Variants in CNTN1 observed in about 807,000 individuals in gnomAD.
The protein encoded by CNTN1 is contactin 1.
CNTN1 carries 38 observed loss-of-function variants against 126.4 expected under a neutral mutation model. The ratio of observed to expected loss-of-function variants is 0.30; its 90% CI spans 0.23 to 0.39. The LOEUF is 0.39. Among genes scored for constraint, CNTN1 ranks in the 10% least tolerant of loss-of-function variants. The pLI, the probability that CNTN1 is intolerant of heterozygous loss-of-function variation, is 1.00. For missense variants in CNTN1, 1,009 were observed against 1,248.4 expected (o/e 0.81, Z 2.89); for synonymous variants, 413 against 422.6 (o/e 0.98, Z 0.28).
At chr12:40,735,456 T>G (rs1298118694) in intron 1 of CNTN1, among the ~76,000 whole-genome samples, 1 of 152,108 alleles carries the variant, frequency 6.6e-6, no homozygotes, top group African/African-American at 2.4e-5. Context: ...GTTTATCAAA[T>G]TAAACATCTC....
At chr12:40,893,294 C>T (rs898120855) in intron 1 of CNTN1, among the ~76,000 whole-genome samples, 2 of 151,868 alleles carry the variant, frequency 1.3e-5, no homozygotes, top group Non-Finnish European at 2.9e-5. Context: ...ACATATCAAA[C>T]TCAAAATTGA....
chr12:40,698,690 T>C (rs960912605), intron 1 of CNTN1, among the ~76,000 whole-genome samples: 2 of 152,208 alleles, frequency 1.3e-5, no homozygotes, highest in Admixed American at 6.5e-5. Flanking sequence ...CTAAAACCAA[T>C]TTCATCGTAT....
At chr12:40,916,748 G>T (rs1050775325) in intron 3 of CNTN1, among the ~76,000 whole-genome samples, 1 of 151,978 alleles carries the variant, frequency 6.6e-6, no homozygotes, top group Non-Finnish European at 1.5e-5. Context: ...TAGGCACATG[G>T]AGTCCTTAGG....
intron 3 of CNTN1, 150 bp from the exon 4 acceptor site, chr12:40,918,489 G>A (rs1945323447): frequency 3.0e-6 from 2 of 677,134 alleles, no homozygotes; most frequent in African/African-American, 1.8e-5. Context: ...CCTGATGTTT[G>A]GCTCAGTATT....
At position 41,071,896 on chromosome 12, in the gene CNTN1, A is replaced by G. The variant is rs911172445; in HGVS notation, c.*1861A>G. 6.6e-6 allele frequency: 1 copy of G among 152,198 alleles called. No homozygotes were observed. The highest frequency in any genetic ancestry group is 2.4e-5 in the African/African-American group (1 of 41,464). 9.4% of individuals were successfully genotyped at this position (152,198 alleles called of 1,614,324 possible). A position where few individuals can be genotyped will look rare whatever the true frequency, so the allele number is the denominator to read the frequency against. ...AATGTGACCCATGTTGGGCATTTTTATATAATCAACAACTAAATCTTTTGC... is the reference window on the plus strand; with the variant it reads ...AATGTGACCCATGTTGGGCATTTTTGTATAATCAACAACTAAATCTTTTGC... On this transcript the variant is annotated 3_prime_UTR_variant, in exon 24 of 24. Coordinates refer to ENST00000551295, the MANE Select transcript of CNTN1 (RefSeq NM_001843.4).
At chr12:41,054,571 C>A (rs186551918) in intron 23 of CNTN1, among the ~76,000 whole-genome samples, 6 of 152,082 alleles carry the variant, frequency 3.9e-5, no homozygotes, top group African/African-American at 1.4e-4. Context: ...AACCAAAGCA[C>A]TTATCACAGA....
At chr12:40,850,043 A>G (rs1294589815) in intron 1 of CNTN1, among the ~76,000 whole-genome samples, 1 of 152,090 alleles carries the variant, frequency 6.6e-6, no homozygotes, top group Non-Finnish European at 1.5e-5. Flanking sequence ...AACTCTTTAG[A>G]AAATGATATT....
chr12:40,719,924 G>A (rs762370404), intron 1 of CNTN1, among the ~76,000 whole-genome samples: 5 of 151,964 alleles, frequency 3.3e-5, no homozygotes, highest in South Asian at 2.1e-4. Flanking sequence ...TGCAAGCTCC[G>A]CCTCCTGGGT....
intron 15 of CNTN1, among the ~76,000 whole-genome samples, chr12:40,976,872 T>C (rs1354385342): frequency 6.6e-6 from 1 of 152,156 alleles, no homozygotes; most frequent in East Asian, 1.9e-4. Context: ...ACAGAGTATC[T>C]TCACATTCCC....
At chr12:41,065,327 T>C (rs1850325807) in intron 23 of CNTN1, among the ~76,000 whole-genome samples, 1 of 152,230 alleles carries the variant, frequency 6.6e-6, no homozygotes, top group African/African-American at 2.4e-5. Flanking sequence ...AGTGCTGGGA[T>C]TACAGGCGTG....
rs1472721012 is a variant in CNTN1 at position 41,014,232 on chromosome 12, A to G, written c.2118A>G (p.Pro706=). Residue 706 remains proline, a synonymous_variant, in exon 18 of 24, where the codon CCA becomes CCG. Coordinates refer to ENST00000551295, the MANE Select transcript of CNTN1 (RefSeq NM_001843.4). ...SNRIKTDGAA[P]NVAPSDVGGG... is the part of the protein sequence containing the mutation. ...ATATTTGTTTGTTTGTTTCAGCACC[A>G]AATGTGGCTCCTTCAGATGTAGGAG... The G allele has an allele frequency of 1.9e-6, 3 of 1,613,916 alleles. No individual in the cohort carries two copies. Among genetic ancestry groups the G allele is most frequent in the Non-Finnish European group, 2.5e-6 (3 of 1,179,834 alleles).
intron 1 of CNTN1, among the ~76,000 whole-genome samples, chr12:40,856,924 C>T (rs1942932127): frequency 1.4e-5 from 2 of 146,236 alleles, no homozygotes; most frequent in Middle Eastern, 6.8e-3. Flanking sequence ...AGTTCTGGAA[C>T]ATTCTAGACT....
At chr12:40,887,192 A>G (rs1944068381) in intron 1 of CNTN1, among the ~76,000 whole-genome samples, 1 of 151,932 alleles carries the variant, frequency 6.6e-6, no homozygotes, top group Non-Finnish European at 1.5e-5. Context: ...GATTCTTCCT[A>G]CCCATGAGCA....
intron 23 of CNTN1, 33 bp downstream of exon 23, chr12:41,029,252 A>G (rs1161730717): frequency 1.2e-6 from 2 of 1,612,358 alleles, no homozygotes; most frequent in Admixed American, 3.3e-5. Context: ...ATTTCAACTA[A>G]GTACTTGTGA....
chr12:40,971,294 G>A (rs1287617672), intron 15 of CNTN1: 1 of 686,640 alleles, frequency 1.5e-6, no homozygotes, highest in African/African-American at 1.8e-5. Context: ...CGTCCTCAGT[G>A]TGTAGGGGAA....
intron 7 of CNTN1, among the ~76,000 whole-genome samples, chr12:40,932,534 A>AT (rs964434051): frequency 6.6e-6 from 1 of 151,996 alleles, no homozygotes; most frequent in African/African-American, 2.4e-5. Flanking sequence ...TCAAAATATT[A>AT]TTTTTTCAGT....
chr12:40,801,343 A>G (rs1426127224), intron 1 of CNTN1, among the ~76,000 whole-genome samples: 2 of 152,048 alleles, frequency 1.3e-5, no homozygotes, highest in Admixed American at 1.3e-4. Flanking sequence ...CCTCTGATAA[A>G]TGAAAGTCAA....
At chr12:40,947,388 T>G (rs1428854793) in intron 14 of CNTN1, among the ~76,000 whole-genome samples, 1 of 152,072 alleles carries the variant, frequency 6.6e-6, no homozygotes, top group East Asian at 1.9e-4. Context: ...TGATGTTATA[T>G]GGCAAATGAT....
chr12:40,828,555 C>A (rs1941696000), intron 1 of CNTN1, among the ~76,000 whole-genome samples: 1 of 152,106 alleles, frequency 6.6e-6, no homozygotes, highest in African/African-American at 2.4e-5. Flanking sequence ...AGACTGCAAA[C>A]TGGGGAGGGG....
Sources: allele counts gnomAD v4.1 joint callset (sites outside exome capture counted in the v4.1 genomes callset), GRCh38; gene constraint gnomAD v4.1.1; transcripts MANE v1.5; gene names NCBI Gene and HGNC (gene_info 2026-07-23, HGNC 2026-07-21).